ZNF544: variants seen among roughly 807,000 people sequenced by gnomAD.
ZNF544 encodes zinc finger protein 544.
ZNF544 carries 10 observed loss-of-function variants against 13.5 expected under a neutral mutation model. The ratio of observed to expected loss-of-function variants is 0.74; its 90% CI spans 0.46 to 1.25. The LOEUF (loss-of-function observed/expected upper bound fraction) is 1.25. Ranked by LOEUF, ZNF544 falls within the 50% of genes most tolerant of loss-of-function variation. ZNF544 has a pLI of 0.00. For missense variants in ZNF544, 896 were observed against 845.6 expected (o/e 1.06, Z -0.74); for synonymous variants, 323 against 300.5 (o/e 1.07, Z -0.77).
At position 58,262,960 on chromosome 19, in the gene ZNF544, T is replaced by G; in HGVS notation, c.*206T>G. On this transcript the variant is annotated 3_prime_UTR_variant, in exon 7 of 7. Transcript: ENST00000687789. ...CCTTCAATGATCGCTCAACCCTTAG[T>G]AAACACGAGAGGACACACACTGGAG... 7.2e-7 allele frequency: 1 copy of G among 1,389,526 alleles called. No individual in the cohort carries two copies. Among genetic ancestry groups the G allele is most frequent in the South Asian group, 1.7e-5 (1 of 60,188 alleles). 86.1% of individuals were successfully genotyped at this position (1,389,526 alleles called of 1,614,324 possible). A position where few individuals can be genotyped will look rare whatever the true frequency, so the allele number is the denominator to read the frequency against.
rs73939497 is a variant in ZNF544, at chr19:58,234,089, A to G, written c.-60+3627A>G. Among the ~76,000 whole-genome samples the G allele has an allele frequency of 9.7e-4, 147 of 152,184 alleles. 1 individual carries two copies. Among genetic ancestry groups the G allele is most frequent in the Middle Eastern group, 3.4e-3 (1 of 294 alleles). ...TTGGTGATAGCCACTTCTTCTCCTC[A>G]TTCCACCTTTACTCCCCACAGTCCA... On this transcript the variant is annotated intron_variant, in intron 3 of 6. Coordinates refer to ENST00000687789, the MANE Select transcript of ZNF544 (RefSeq NM_014480.4).
chr19:58,265,755 C>G (rs763209147), downstream of ZNF544, among the ~76,000 whole-genome samples: 1 of 151,340 alleles, frequency 6.6e-6, no homozygotes. Context: ...TGAAGCCTGG[C>G]TAAATTTATT....
rs529610316 is a variant in ZNF544 at position 58,232,765 on chromosome 19, T to TAA, written c.-60+2325_-60+2326dup. Among the ~76,000 whole-genome samples, 421 of 108,110 alleles carry TAA rather than the reference T, an allele frequency of 3.9e-3. 4 individuals are homozygous for TAA. The highest frequency in any genetic ancestry group is 0.011 in the African/African-American group (336 of 30,406). 70.9% of individuals were successfully genotyped at this position (108,110 alleles called of 152,430 possible). A position where few individuals can be genotyped will look rare whatever the true frequency, so the allele number is the denominator to read the frequency against. On this transcript the variant is annotated intron_variant, in intron 3 of 6. Transcript: ENST00000687789. ...TAACATGGGGAAACCCCGTCTCTAC[T>TAA]AAAAAAAAAAAAAAAAAAAAAAATA... is the stretch of plus-strand genomic sequence containing the variant.
At chr19:58,254,861 TTTC>T (rs2046923303) in intron 6 of ZNF544, among the ~76,000 whole-genome samples, 1 of 140,886 alleles carries the variant, frequency 7.1e-6, no homozygotes, top group African/African-American at 2.6e-5. Context: ...AATTTCTTTC[TTTC>T]TTTTTTTTTT....
chr19:58,272,350 C>T (rs2050735156), intron 5 of ZNF544, among the ~76,000 whole-genome samples: 1 of 151,872 alleles, frequency 6.6e-6, no homozygotes, highest in Non-Finnish European at 1.5e-5. Flanking sequence ...TCAACTGAGG[C>T]CGTGAGTTTG....
rs915101594 is a variant in ZNF544, at chr19:58,241,259, G to T, written c.-59-2706G>T. The stretch of plus-strand genomic sequence containing the variant: ...ACTCCTGGGCTCAAACGATGCTTCC[G>T]CCTTGGCCTCCCAAAATGTTGGGAT... On this transcript the variant is annotated intron_variant, in intron 3 of 6. Coordinates refer to ENST00000687789, the MANE Select transcript of ZNF544 (RefSeq NM_014480.4). Among the ~76,000 whole-genome samples the T allele has an allele frequency of 7.3e-5, 10 of 136,990 alleles. 1 individual carries two copies. The East Asian group carries it at 2.2e-3, about 30-fold the overall frequency. 89.9% of individuals were successfully genotyped at this position (136,990 alleles called of 152,430 possible). A position where few individuals can be genotyped will look rare whatever the true frequency, so the allele number is the denominator to read the frequency against.
At chr19:58,266,064 G>C (rs1885891279), downstream of ZNF544, among the ~76,000 whole-genome samples, 1 of 151,874 alleles carries the variant, frequency 6.6e-6, no homozygotes, top group African/African-American at 2.4e-5. Flanking sequence ...AAATTAGCCA[G>C]GTGTCATGGC....
chr19:58,268,445 G>C (rs2050212609), downstream of ZNF544, among the ~76,000 whole-genome samples: 1 of 150,332 alleles, frequency 6.7e-6, no homozygotes, highest in South Asian at 2.1e-4. Flanking sequence ...TTGTTGCCTG[G>C]TGCTGCAAAG....
At chr19:58,239,343 C>A (rs182727013) in intron 3 of ZNF544, among the ~76,000 whole-genome samples, 1 of 151,966 alleles carries the variant, frequency 6.6e-6, no homozygotes, top group South Asian at 2.1e-4. Flanking sequence ...CCTCTTCCCC[C>A]CTCCACTCCC....
Position 58,244,014 on chromosome 19 carries a change from C to T in ZNF544, c.-10C>T, listed in dbSNP as rs1224100611. The T allele has an allele frequency of 6.2e-7, 1 of 1,606,882 alleles. No homozygotes were observed. Among genetic ancestry groups the T allele is most frequent in the Middle Eastern group, 1.7e-4 (1 of 6,048 alleles). On this transcript the variant is annotated 5_prime_UTR_variant, in exon 4 of 7. Coordinates refer to ENST00000687789, the MANE Select transcript of ZNF544 (RefSeq NM_014480.4). ...CTCTACACAGCGGCCTCTTCAGGTG[C>T]AGGGAGGAAATGGAAGCACGTTCTA...
rs150558952 is a variant in ZNF544, at chr19:58,246,404, C to T, written c.137C>T (p.Thr46Ile). The stretch of plus-strand genomic sequence containing the variant: ...CTGTACCGAGAGGTGACACTGGAGA[C>T]CTGGGAGCATATTGTCTCCCTGGGT... ...RTLYREVTLE[T>I]WEHIVSLGLF... The change falls in exon 5 of 7, where the codon ACC becomes ATC. Residue 46 changes from threonine to isoleucine, a missense_variant. Transcript: ENST00000687789. 2.6e-3 allele frequency: 4,187 copies of T among 1,613,996 alleles called. 4 individuals are homozygous for T. The highest frequency in any genetic ancestry group is 2.8e-3 in the Non-Finnish European group (3,325 of 1,179,982).
At chr19:58,274,834 G>T (rs918494641) in intron 5 of ZNF544, among the ~76,000 whole-genome samples, 1 of 151,744 alleles carries the variant, frequency 6.6e-6, no homozygotes, top group African/African-American at 2.4e-5. Flanking sequence ...GCAGCCTCTG[G>T]AAAACTCTAT....
intron 2 of ZNF544, chr19:58,229,791 T>G (rs2040813704): frequency 6.6e-6 from 1 of 152,422 alleles, no homozygotes; most frequent in Non-Finnish European, 1.5e-5. Context: ...TTGGGTGATA[T>G]TTGATGGGGA....
intron 5 of ZNF544, among the ~76,000 whole-genome samples, chr19:58,275,605 T>C (rs977035568): frequency 4.6e-5 from 7 of 150,956 alleles, no homozygotes; most frequent in Non-Finnish European, 1.0e-4. Context: ...AATCAGGAGC[T>C]CAAGACCATC....
At chr19:58,240,827 T>A (rs2043430467) in intron 3 of ZNF544, among the ~76,000 whole-genome samples, 1 of 151,832 alleles carries the variant, frequency 6.6e-6, no homozygotes, top group Non-Finnish European at 1.5e-5. Flanking sequence ...GCACATTCCC[T>A]GTAATGTGTG....
chr19:58,273,366 T>C (rs12462307), intron 5 of ZNF544, among the ~76,000 whole-genome samples: 104,184 of 151,962 alleles, frequency 0.69, 35,886 homozygotes, highest in Middle Eastern at 0.73. Flanking sequence ...CTGTATCAAA[T>C]GATCAACATG....
At chr19:58,268,393 G>A (rs926234185), downstream of ZNF544, among the ~76,000 whole-genome samples, 1 of 152,212 alleles carries the variant, frequency 6.6e-6, no homozygotes, top group Non-Finnish European at 1.5e-5. Context: ...AAGTAAGATT[G>A]TTCAATGTTA....
At chr19:58,269,471 C>T (rs1478724011) in intron 5 of ZNF544, among the ~76,000 whole-genome samples, 2 of 148,394 alleles carry the variant, frequency 1.3e-5, no homozygotes, top group Admixed American at 1.3e-4. Context: ...CAGGGTCGGG[C>T]ATGGTGGCTC....
chr19:58,232,197 TCTACTTAGAA>T (rs2041384592), intron 3 of ZNF544, among the ~76,000 whole-genome samples: 1 of 152,026 alleles, frequency 6.6e-6, no homozygotes, highest in Non-Finnish European at 1.5e-5. Context: ...AAAGATACGC[TCTACTTAGAA>T]GAGTCAGATG....
Sources: allele counts gnomAD v4.1 joint callset (sites outside exome capture counted in the v4.1 genomes callset), GRCh38; gene constraint gnomAD v4.1.1; transcripts MANE v1.5; gene names NCBI Gene and HGNC (gene_info 2026-07-23, HGNC 2026-07-21).